Variants in BBS5 observed in about 807,000 individuals in gnomAD.
BBS5 encodes BBSome complex member BBS5.
In BBS5, 39 loss-of-function variants were observed where a neutral mutation model predicts 50.2. The ratio of observed to expected loss-of-function variants is 0.78; its 90% confidence interval spans 0.60 to 1.01. The LOEUF (loss-of-function observed/expected upper bound fraction) is 1.01. Ranked by LOEUF, BBS5 falls within the 50% of genes least tolerant of loss-of-function variation. The probability of loss-of-function intolerance (pLI) is 0.00; values close to 1 mark genes in which losing one functional copy is unlikely to be tolerated. For missense variants in BBS5, 356 were observed against 401.5 expected (o/e 0.89, Z 0.97); for synonymous variants, 134 against 133.1 (o/e 1.01, Z -0.05).
rs1683869763 is a variant in BBS5 at position 169,504,664 on chromosome 2, G to GT, written c.*87dup. On this transcript the variant is annotated 3_prime_UTR_variant, in exon 12 of 12. Coordinates refer to ENST00000295240, the MANE Select transcript of BBS5 (RefSeq NM_152384.3). ...GTCACCTGCCATAAGTCATGGAATA[G>GT]TTTTTATATTTACAGCTTTTATATT... The GT allele has an allele frequency of 1.6e-6, 2 of 1,215,036 alleles. No individual in the cohort carries two copies. The highest frequency in any genetic ancestry group is 3.5e-5 in the Admixed American group (2 of 57,676). 75.3% of individuals were successfully genotyped at this position (1,215,036 alleles called of 1,614,324 possible).
At chr2:169,482,369 T>C in intron 2 of BBS5, 36 bp downstream of exon 2, 1 of 1,297,188 alleles carries the variant, frequency 7.7e-7, no homozygotes, top group Non-Finnish European at 1.1e-6. Flanking sequence ...ATATTCCTGG[T>C]TTAATTTACA....
chr2:169,498,703 A>G (rs1252560918), intron 8 of BBS5, among the ~76,000 whole-genome samples: 1 of 150,618 alleles, frequency 6.6e-6, no homozygotes, highest in Non-Finnish European at 1.5e-5. Flanking sequence ...TACTCCGGAG[A>G]GGCTGAGGCA....
chr2:169,493,874 A>T, intron 7 of BBS5, 38 bp downstream of exon 7: 1 of 1,382,110 alleles, frequency 7.2e-7, no homozygotes, highest in Non-Finnish European at 1.0e-6. Context: ...TTTTAATGTA[A>T]AATAAATATT....
chr2:169,488,203 G>A lies in BBS5; in HGVS notation c.386+89G>A, dbSNP rs1177519369. 1.1e-5 allele frequency: 15 copies of A among 1,335,338 alleles called. No individual in the cohort carries two copies. In the Middle Eastern group the frequency reaches 1.3e-3, roughly 115 times the overall value. 82.7% of individuals were successfully genotyped at this position (1,335,338 alleles called of 1,614,324 possible). ...AGTCCCCAACCTTTTTGGCACCAGG[G>A]ACCAGTTTCATGGAAGACAGTTTTT... is the stretch of plus-strand genomic sequence containing the variant. On this transcript the variant is annotated intron_variant, in intron 5 of 11. Coordinates refer to ENST00000295240, the MANE Select transcript of BBS5 (RefSeq NM_152384.3).
At chr2:169,488,271 T>G (rs1683520236) in intron 5 of BBS5, among the ~76,000 whole-genome samples, 157 bp downstream of exon 5, 1 of 152,228 alleles carries the variant, frequency 6.6e-6, no homozygotes, top group Admixed American at 6.5e-5. Context: ...GATTCAAGTG[T>G]ATTACATTTA....
chr2:169,487,769 T>TA (rs765353696), intron 3 of BBS5, 37 bp from the exon 4 acceptor site: 2 of 1,506,998 alleles, frequency 1.3e-6, no homozygotes, highest in Non-Finnish European at 1.8e-6. Flanking sequence ...CAGTGTACCA[T>TA]ATCATGCTCT....
In BBS5 at chr2:169,499,608, G is replaced by A. The variant is rs1683762932; in HGVS notation, c.804G>A (p.Glu268=). The change falls in exon 9 of 12, where the codon GAG becomes GAA. Residue 268 remains glutamate, a synonymous_variant. Coordinates refer to ENST00000295240, the MANE Select transcript of BBS5 (RefSeq NM_152384.3). Reference sequence around the variant, plus strand: ...GTCCCATATTTGGAGTTGATTATGAGATGGAAGAAAAGGTAATTTGTTGAG... The same window carrying A: ...GTCCCATATTTGGAGTTGATTATGAAATGGAAGAAAAGGTAATTTGTTGAG... ...SASPIFGVDY[E]MEEKPQPLEA... The A allele has an allele frequency of 1.2e-6, 2 of 1,613,944 alleles. No individual in the cohort carries two copies. Among genetic ancestry groups the A allele is most frequent in the Non-Finnish European group, 1.7e-6 (2 of 1,179,882 alleles).
chr2:169,486,463 G>T (rs1241928795), intron 2 of BBS5, among the ~76,000 whole-genome samples: 1 of 152,134 alleles, frequency 6.6e-6, no homozygotes. Context: ...GAGAAATGAA[G>T]TATCTAACTT....
chr2:169,503,802 C>G (rs938862387), intron 10 of BBS5, among the ~76,000 whole-genome samples: 5 of 152,058 alleles, frequency 3.3e-5, no homozygotes, highest in African/African-American at 1.2e-4. Flanking sequence ...ACTAGAATAC[C>G]TGTCTGGTAA....
chr2:169,497,136 A>T (rs968683498), intron 7 of BBS5, among the ~76,000 whole-genome samples: 2 of 152,284 alleles, frequency 1.3e-5, no homozygotes, highest in Admixed American at 1.3e-4. Flanking sequence ...CCTAGGCAGC[A>T]TAGTGAGACC....
intron 9 of BBS5, among the ~76,000 whole-genome samples, chr2:169,502,375 T>C (rs1386991873): frequency 2.0e-5 from 3 of 152,236 alleles, no homozygotes; most frequent in Admixed American, 1.3e-4. Context: ...CTGAGCGTGG[T>C]TGAAACACTA....
intron 8 of BBS5, chr2:169,499,251 G>C (rs941822829): frequency 2.1e-6 from 1 of 483,568 alleles, no homozygotes; most frequent in African/African-American, 1.9e-5. Context: ...AGATGAAACA[G>C]GGTTGTCCAC....
At chr2:169,482,391 A>T in intron 2 of BBS5, 58 bp downstream of exon 2, 3 of 1,084,648 alleles carry the variant, frequency 2.8e-6, no homozygotes, top group Non-Finnish European at 4.3e-6. Flanking sequence ...ATGTTGAATC[A>T]TATTAGCTAG....
intron 2 of BBS5, among the ~76,000 whole-genome samples, chr2:169,483,088 G>A (rs111258930): frequency 6.6e-6 from 1 of 152,166 alleles, no homozygotes; most frequent in Non-Finnish European, 1.5e-5. Flanking sequence ...ATTGGAAAGG[G>A]GTAAGAGGGG....
chr2:169,487,116 T>C lies in BBS5; in HGVS notation c.190T>C (p.Leu64=), dbSNP rs777369461. 94 of 1,610,870 alleles carry C rather than the reference T, an allele frequency of 5.8e-5. No homozygotes were observed. The Admixed American group carries it at 1.6e-3, about 27-fold the overall frequency. The change falls in exon 3 of 12, where the codon TTA becomes CTA. Residue 64 remains leucine (L), a synonymous_variant. Transcript: ENST00000295240. ...NLRILWHSLA[L]SRVNVSVGYN... is the part of the protein sequence containing the mutation. ...AAGAATTCTCTGGCACTCTTTGGCA[T>C]TATCAAGAGTCAATGTTTGTAAGTA...
At chr2:169,492,830 C>T in intron 5 of BBS5, 44 bp from the exon 6 acceptor site, 1 of 1,565,712 alleles carries the variant, frequency 6.4e-7, no homozygotes. Flanking sequence ...CCAAGAAAAT[C>T]ACATTTTCAG....
At chr2:169,485,531 C>T (rs1456536942) in intron 2 of BBS5, among the ~76,000 whole-genome samples, 1 of 152,154 alleles carries the variant, frequency 6.6e-6, no homozygotes, top group Non-Finnish European at 1.5e-5. Context: ...CTCCCCAATT[C>T]CAATCCTAAA....
At chr2:169,501,407 G>A (rs186172717) in intron 9 of BBS5, among the ~76,000 whole-genome samples, 4 of 152,160 alleles carry the variant, frequency 2.6e-5, no homozygotes, top group Admixed American at 2.6e-4. Flanking sequence ...GTGATCCTAG[G>A]CAAATCTGAG....
intron 5 of BBS5, among the ~76,000 whole-genome samples, chr2:169,490,458 C>T (rs1011043156): frequency 3.3e-5 from 5 of 152,112 alleles, no homozygotes; most frequent in African/African-American, 7.2e-5. Flanking sequence ...CCTTGTGATC[C>T]GCCCACCTTG....
Sources: gnomAD v4.1 joint callset for allele counts (sites outside exome capture counted in the v4.1 genomes callset) on GRCh38, gnomAD v4.1.1 for gene constraint, MANE v1.5 for transcripts, NCBI Gene and HGNC (gene_info 2026-07-23, HGNC 2026-07-21) for gene names.